MYMK: variants seen among roughly 807,000 people sequenced by gnomAD.
MYMK encodes the protein protein myomaker.
Under a neutral mutation model 22.4 loss-of-function variants are expected in MYMK, and 16 were observed. The ratio of observed to expected loss-of-function variants is 0.72; its 90% CI spans 0.48 to 1.09. The LOEUF (loss-of-function observed/expected upper bound fraction) is 1.09, where lower values mean the gene tolerates loss of function less well. Among genes scored for constraint, MYMK ranks in the 50% least tolerant of loss-of-function variants. The pLI is 0.00. For missense variants in MYMK, 250 were observed against 295.6 expected, an observed-to-expected ratio of 0.85 and a Z score of 1.13; for synonymous variants, 125 against 127.0, an observed-to-expected ratio of 0.98 and a Z score of 0.11.
Position 133,515,726 on chromosome 9 carries a change from G to C in MYMK, c.400-119C>G. 1 of 674,300 alleles carries C rather than the reference G, an allele frequency of 1.5e-6. No individual in the cohort carries two copies. Among genetic ancestry groups the C allele is most frequent in the Non-Finnish European group, 2.6e-6 (1 of 384,720 alleles). The allele number at this position is 674,300 out of a possible 1,614,324, so 41.8% of individuals were successfully genotyped here. A position where few individuals can be genotyped will look rare whatever the true frequency, so the allele number is the denominator to read the frequency against. On this transcript the variant is annotated intron_variant, in intron 3 of 4. Coordinates refer to ENST00000339996, the MANE Select transcript of MYMK (RefSeq NM_001080483.3). The surrounding 1 kb of genome is among the most constrained non-coding windows in gnomAD (Gnocchi z 5.8). ...TCACCCCAGCCCTCTCCCGGCAGGA[G>C]AGGAGGCTCAGGAGCCTCCTGCCGC...
chr9:133,515,479 T>G lies in MYMK; in HGVS notation c.516+12A>C, dbSNP rs893545120. On this transcript the variant is annotated intron_variant, in intron 4 of 4. Transcript: ENST00000339996. The surrounding 1 kb of genome is among the most constrained non-coding windows in gnomAD (Gnocchi z 5.8). The stretch of plus-strand genomic sequence containing the variant: ...TCTGGGGCACAGGACACCTCCCCGC[T>G]GGGCTTGGTACCTCAAAGAAGAAGC... The G allele has an allele frequency of 2.0e-5, 32 of 1,585,054 alleles. No homozygotes were observed. The highest frequency in any genetic ancestry group is 2.8e-5 in the Non-Finnish European group (32 of 1,154,080).
At chr9:133,520,058 G>T in intron 2 of MYMK, 116 bp downstream of exon 2, 1 of 728,068 alleles carries the variant, frequency 1.4e-6, no homozygotes. Context: ...ACATTCCTGG[G>T]GCTGGGAGTG....
intron 1 of MYMK, among the ~76,000 whole-genome samples, chr9:133,522,442 G>A (rs1325043657): frequency 6.6e-6 from 1 of 152,242 alleles, no homozygotes; most frequent in Non-Finnish European, 1.5e-5. Flanking sequence ...GATTGTCACG[G>A]GAGGGGCCTG....
intron 3 of MYMK, among the ~76,000 whole-genome samples, chr9:133,516,040 T>A (rs997009314): frequency 3.9e-5 from 6 of 152,232 alleles, no homozygotes; most frequent in Admixed American, 2.6e-4. Context: ...TGGTGATCCC[T>A]GAGCCATGGA....
chr9:133,520,106 CTGGG>C (rs1844683058), intron 2 of MYMK, 64 bp downstream of exon 2: 2 of 1,255,734 alleles, frequency 1.6e-6, no homozygotes. Context: ...TGGTTTGAGG[CTGGG>C]TGTGCGGACA....
At chr9:133,518,212 G>A in intron 3 of MYMK, among the ~76,000 whole-genome samples, 1 of 152,184 alleles carries the variant, frequency 6.6e-6, no homozygotes. Flanking sequence ...TTTGAGTGGG[G>A]TTTGGTCCCT....
chr9:133,520,712 T>C (rs1844693877), intron 1 of MYMK, among the ~76,000 whole-genome samples: 1 of 152,200 alleles, frequency 6.6e-6, no homozygotes, highest in African/African-American at 2.4e-5. Context: ...GCGTGTTCAC[T>C]CGCCAATCTT....
At chr9:133,519,091 C>T in intron 2 of MYMK, 69 bp from the exon 3 acceptor site, 2 of 1,585,830 alleles carry the variant, frequency 1.3e-6, no homozygotes, top group South Asian at 1.1e-5. Flanking sequence ...ACCCCCCCAC[C>T]CCCCAGCCCC....
intron 2 of MYMK, among the ~76,000 whole-genome samples, chr9:133,519,828 C>G (rs13283991): frequency 6.6e-6 from 1 of 152,124 alleles, no homozygotes; most frequent in Non-Finnish European, 1.5e-5. Flanking sequence ...GGGAAGCCAA[C>G]CCCCCTGAGC....
rs35845164 is a variant in MYMK, at chr9:133,523,682, GGAGAGAGAGA to G, written c.135+1018_135+1027del. Reference sequence around the variant, plus strand: ...TGGATGCGTAGATAGAGAGATAGATGGAGAGAGAGAGAGAGAGAGAGAGAGAGAGAGAGAG... The same window carrying G: ...TGGATGCGTAGATAGAGAGATAGATGGAGAGAGAGAGAGAGAGAGAGAGAG... On this transcript the variant is annotated intron_variant, in intron 1 of 4. Transcript: ENST00000339996. Among the ~76,000 whole-genome samples, 1,065 of 121,530 alleles carry G rather than the reference GGAGAGAGAGA, an allele frequency of 8.8e-3. 8 individuals carry two copies. The highest frequency in any genetic ancestry group is 0.014 in the Middle Eastern group (3 of 222). The allele number at this position is 121,530 out of a possible 152,430, so 79.7% of individuals were successfully genotyped here.
intron 1 of MYMK, among the ~76,000 whole-genome samples, chr9:133,520,663 C>T (rs116017894): frequency 0.018 from 2,750 of 152,288 alleles, 82 homozygotes; most frequent in African/African-American, 0.062. Context: ...CGGCTCTCCC[C>T]GGACCTTCAG....
chr9:133,515,996 G>A lies in MYMK; in HGVS notation c.400-389C>T, dbSNP rs1368962422. ...GAAAGTACTGGAGTACTTGGGACCT[G>A]CCAGCCCAGTGTGGCCCATGGGGAT... On this transcript the variant is annotated intron_variant, in intron 3 of 4. Coordinates refer to ENST00000339996, the MANE Select transcript of MYMK (RefSeq NM_001080483.3). The surrounding 1 kb of genome is among the most constrained non-coding windows in gnomAD (Gnocchi z 5.8). Among the ~76,000 whole-genome samples the A allele has an allele frequency of 1.3e-5, 2 of 152,232 alleles. No homozygotes were observed. The highest frequency in any genetic ancestry group is 2.9e-5 in the Non-Finnish European group (2 of 68,044).
intron 3 of MYMK, among the ~76,000 whole-genome samples, chr9:133,517,828 C>G (rs2131068856): frequency 6.6e-6 from 1 of 152,336 alleles, no homozygotes; most frequent in African/African-American, 2.4e-5. Context: ...GCTTTGCAAG[C>G]TGCCCACCAG....
rs1300899069 is a variant in MYMK, at chr9:133,520,166, C to T, written c.250+8G>A. Reference sequence around the variant, plus strand: ...CGCAAGGCTTGTCTGCAGGGGTTGACCACTCACCCATCAGCGAGACCCACA... The same window carrying T: ...CGCAAGGCTTGTCTGCAGGGGTTGATCACTCACCCATCAGCGAGACCCACA... On this transcript the variant is annotated splice_region_variant and intron_variant, in intron 2 of 4. Transcript: ENST00000339996. The T allele has an allele frequency of 4.4e-6, 7 of 1,608,804 alleles. No homozygotes were observed. Among genetic ancestry groups the T allele is most frequent in the Non-Finnish European group, 6.0e-6 (7 of 1,175,384 alleles).
At chr9:133,520,112 G>A (rs1844683127) in intron 2 of MYMK, 62 bp downstream of exon 2, 2 of 1,319,108 alleles carry the variant, frequency 1.5e-6, no homozygotes, top group Non-Finnish European at 2.2e-6. Flanking sequence ...GAGGCTGGGT[G>A]TGCGGACACT....
rs368025183 is a variant in MYMK at position 133,518,953 on chromosome 9, C to T, written c.320G>A (p.Arg107Gln). The stretch of plus-strand genomic sequence containing the variant: ...GTAGCCCCATCGGTCATGGTAGATC[C>T]GCACAGCAATGGTCAGGACGCCGAA... The part of the protein sequence containing the change: ...VMFGVLTIAV[R>Q]IYHDRWGYGV... The change falls in exon 3 of 5, where the codon CGG (arginine) becomes CAG (glutamine). Residue 107 changes from arginine (R) to glutamine (Q), a missense_variant. Physicochemically the swap from Arg to Gln is conservative, Grantham distance 43 (BLOSUM62 1). Coordinates refer to ENST00000339996, the MANE Select transcript of MYMK (RefSeq NM_001080483.3). The T allele has an allele frequency of 1.7e-5, 27 of 1,613,838 alleles. No homozygotes were observed. Among genetic ancestry groups the T allele is most frequent in the African/African-American group, 2.7e-5 (2 of 74,904 alleles).
intron 2 of MYMK, among the ~76,000 whole-genome samples, chr9:133,519,724 G>A (rs556740807): frequency 4.6e-5 from 7 of 152,034 alleles, no homozygotes; most frequent in South Asian, 2.1e-4. Context: ...CAACAGTTAC[G>A]TGGAAAAAAA....
intron 1 of MYMK, among the ~76,000 whole-genome samples, chr9:133,522,343 C>CGG (rs35248143): frequency 0.019 from 2,626 of 139,868 alleles, 50 homozygotes; most frequent in African/African-American, 0.052. Flanking sequence ...GAGTGGCTGT[C>CGG]GGGGGGGGGC....
rs750970882 is a variant in MYMK at position 133,519,014 on chromosome 9, C to T, written c.259G>A (p.Asp87Asn). 6.2e-6 allele frequency: 10 copies of T among 1,613,794 alleles called. No individual in the cohort carries two copies. The highest frequency in any genetic ancestry group is 2.2e-5 in the East Asian group (1 of 44,874). The part of the protein sequence containing the change: ...SMWVSLMALA[D>N]FDEPKRSTFV... ...GTTGACCTCTTGGGTTCGTCGAAGTCGGCCAGTGCTGGAGGGGCCAGGGAG... is the reference window on the plus strand; with the variant it reads ...GTTGACCTCTTGGGTTCGTCGAAGTTGGCCAGTGCTGGAGGGGCCAGGGAG... Residue 87 changes from aspartate (D) to asparagine (N), a missense_variant, in exon 3 of 5, where the codon GAC becomes AAC. Transcript: ENST00000339996.
Sources: allele counts gnomAD v4.1 joint callset (sites outside exome capture counted in the v4.1 genomes callset), GRCh38; gene constraint gnomAD v4.1.1; non-coding constraint Gnocchi (gnomAD v3.1); transcripts MANE v1.5; gene names NCBI Gene and HGNC (gene_info 2026-07-23, HGNC 2026-07-21).